ZMYND8: variants seen among roughly 807,000 people sequenced by gnomAD.
ZMYND8 encodes the protein MYND-type zinc finger-containing chromatin reader ZMYND8.
Under a neutral mutation model 140.8 loss-of-function variants are expected in ZMYND8, and 37 were observed. The ratio of observed to expected loss-of-function variants is 0.26; its 90% CI spans 0.20 to 0.35. The LOEUF (loss-of-function observed/expected upper bound fraction) is 0.35, where lower values mean the gene tolerates loss of function less well. Among genes scored for constraint, ZMYND8 ranks in the 10% least tolerant of loss-of-function variants. ZMYND8 has a pLI of 1.00. For missense variants in ZMYND8, 1,068 were observed against 1,570.0 expected, an observed-to-expected ratio of 0.68 and a Z score of 5.40; for synonymous variants, 592 against 597.1, an observed-to-expected ratio of 0.99 and a Z score of 0.12.
chr20:47,292,983 A>G (rs2077363312), intron 5 of ZMYND8, among the ~76,000 whole-genome samples: 1 of 150,904 alleles, frequency 6.6e-6, no homozygotes, highest in South Asian at 2.1e-4. Context: ...GGATCGCCTG[A>G]GCCCAGGAGG....
intron 3 of ZMYND8, among the ~76,000 whole-genome samples, chr20:47,309,131 T>C (rs894897877): frequency 3.3e-5 from 5 of 152,288 alleles, no homozygotes; most frequent in East Asian, 1.9e-4. Context: ...AAAGCTAGAA[T>C]GTCCCTTAGA....
chr20:47,250,777 T>C (rs1411538401), intron 12 of ZMYND8, among the ~76,000 whole-genome samples: 1 of 152,120 alleles, frequency 6.6e-6, no homozygotes, highest in East Asian at 1.9e-4. Flanking sequence ...AGAAGCAGCC[T>C]CCCAAAAGCC....
intron 8 of ZMYND8, among the ~76,000 whole-genome samples, chr20:47,284,426 A>G (rs921223695): frequency 6.6e-6 from 1 of 152,220 alleles, no homozygotes; most frequent in African/African-American, 2.4e-5. Context: ...CTGAAATCTA[A>G]GATGTACACA....
chr20:47,286,539 T>C (rs1396516808), intron 8 of ZMYND8, among the ~76,000 whole-genome samples: 1 of 152,204 alleles, frequency 6.6e-6, no homozygotes, highest in Non-Finnish European at 1.5e-5. Flanking sequence ...TAGATCTATA[T>C]ATCCATATAT....
chr20:47,288,712 G>A (rs1046503594), intron 7 of ZMYND8, among the ~76,000 whole-genome samples: 1 of 152,142 alleles, frequency 6.6e-6, no homozygotes, highest in Non-Finnish European at 1.5e-5. Context: ...TTAATGCCTA[G>A]TGCCTCTCCT....
intron 10 of ZMYND8, among the ~76,000 whole-genome samples, chr20:47,281,308 G>C (rs1332823554): frequency 6.6e-6 from 1 of 152,148 alleles, no homozygotes; most frequent in Non-Finnish European, 1.5e-5. Context: ...CCAATTTTCA[G>C]CTTCTGGACA....
intron 14 of ZMYND8, among the ~76,000 whole-genome samples, chr20:47,240,158 G>A (rs2147204949): frequency 6.6e-6 from 1 of 152,288 alleles, no homozygotes; most frequent in East Asian, 1.9e-4. Flanking sequence ...GTTGCAGTGA[G>A]CCGAGATCGC....
intron 2 of ZMYND8, among the ~76,000 whole-genome samples, chr20:47,326,332 C>T (rs1330560968): frequency 6.6e-6 from 1 of 152,184 alleles, no homozygotes; most frequent in Non-Finnish European, 1.5e-5. Context: ...GAACTCCTGA[C>T]CTCAGGTGAT....
At chr20:47,252,063 GCGGGAGGATCACTTGAGGT>G (rs1447394342) in intron 12 of ZMYND8, among the ~76,000 whole-genome samples, 1 of 152,070 alleles carries the variant, frequency 6.6e-6, no homozygotes, top group African/African-American at 2.4e-5. Context: ...GAAGGCCAAG[GCGGGAGGATCACTTGAGGT>G]CGGGGGTTCA....
chr20:47,251,059 G>T (rs2074130151), intron 12 of ZMYND8, among the ~76,000 whole-genome samples: 1 of 151,972 alleles, frequency 6.6e-6, no homozygotes. Flanking sequence ...GAAGAGATGG[G>T]TCTTTTCCTA....
chr20:47,294,722 T>G lies in ZMYND8; in HGVS notation c.511A>C (p.Ile171Leu). The change falls in exon 5 of 23, where the codon ATT becomes CTT. Residue 171 changes from isoleucine (I) to leucine (L), a missense_variant. Around this residue, in one of 10 missense-constraint regions of ZMYND8, gnomAD observed 109 missense variants for 314.9 expected, o/e 0.35. Coordinates refer to ENST00000471951, the MANE Select transcript of ZMYND8 (RefSeq NM_001281775.3). ...TTGAGCAGGTAGGATAACTGTTCAA[T>G]GGTGAGCATTGTCATGGCTTTACTC... ...TQSKAMTMLT[I>L]EQLSYLLKFA... 1 of 1,614,226 alleles carries G rather than the reference T, an allele frequency of 6.2e-7. No homozygotes were observed. Among genetic ancestry groups the G allele is most frequent in the Non-Finnish European group, 8.5e-7 (1 of 1,180,030 alleles).
At chr20:47,235,084 GAATA>G (rs900298054) in intron 16 of ZMYND8, among the ~76,000 whole-genome samples, 16 of 152,144 alleles carry the variant, frequency 1.1e-4, no homozygotes, top group East Asian at 1.9e-4. Context: ...CATCAGTAAA[GAATA>G]AATTATTAAC....
chr20:47,334,622 A>G (rs2081245694), intron 2 of ZMYND8, among the ~76,000 whole-genome samples: 1 of 149,306 alleles, frequency 6.7e-6, no homozygotes, highest in Admixed American at 6.7e-5. Flanking sequence ...ATATATATAT[A>G]TATATTTTAG....
chr20:47,235,543 A>G (rs772955213), intron 16 of ZMYND8, among the ~76,000 whole-genome samples: 1 of 151,930 alleles, frequency 6.6e-6, no homozygotes, highest in Non-Finnish European at 1.5e-5. Context: ...CATCTCTACT[A>G]AAAAAATACA....
chr20:47,307,314 C>T (rs1310550252), intron 3 of ZMYND8, among the ~76,000 whole-genome samples: 3 of 151,478 alleles, frequency 2.0e-5, no homozygotes, highest in South Asian at 2.1e-4. Context: ...AAAAATTAGC[C>T]GGGTGTGGTG....
intron 7 of ZMYND8, among the ~76,000 whole-genome samples, chr20:47,288,325 A>C (rs1489035287): frequency 2.0e-5 from 3 of 148,638 alleles, no homozygotes; most frequent in Non-Finnish European, 3.0e-5. Flanking sequence ...GACCTCATCC[A>C]CTTGTTTATA....
At chr20:47,301,016 C>CCTCCCA (rs2078003063) in intron 3 of ZMYND8, among the ~76,000 whole-genome samples, 1 of 151,298 alleles carries the variant, frequency 6.6e-6, no homozygotes, top group Admixed American at 6.6e-5. Context: ...TTCCCAAATG[C>CCTCCCA]CTGGTATTTC....
At chr20:47,257,635 T>A (rs941581321) in intron 12 of ZMYND8, among the ~76,000 whole-genome samples, 2 of 152,104 alleles carry the variant, frequency 1.3e-5, no homozygotes, top group Non-Finnish European at 2.9e-5. Flanking sequence ...TCATACCATA[T>A]ACACACATAC....
At chr20:47,302,522 C>A (rs969126554) in intron 3 of ZMYND8, among the ~76,000 whole-genome samples, 2 of 151,766 alleles carry the variant, frequency 1.3e-5, no homozygotes, top group African/African-American at 4.8e-5. Context: ...TATGTATATG[C>A]AAATATTCCA....
Sources: gnomAD v4.1 joint callset for allele counts (sites outside exome capture counted in the v4.1 genomes callset) on GRCh38, gnomAD v4.1.1 for gene constraint, gnomAD v4.1.1 regional missense constraint, MANE v1.5 for transcripts, NCBI Gene and HGNC (gene_info 2026-07-23, HGNC 2026-07-21) for gene names.